The following FBXO9 variants were observed in gnomAD, a reference collection of about 807,000 sequenced individuals.
FBXO9 encodes the protein F-box protein 9, also known as F-box only protein 9.
In FBXO9, 43 loss-of-function variants were observed where a neutral mutation model predicts 63.7. The observed-to-expected ratio is 0.67, with a 90% CI of 0.53 to 0.87. The LOEUF is 0.87. FBXO9 is among the 40% of genes least tolerant of loss of function. The pLI, the probability that FBXO9 is intolerant of heterozygous loss-of-function variation, is 0.00. For missense variants in FBXO9, 442 were observed against 533.2 expected (o/e 0.83, Z 1.68); for synonymous variants, 156 against 171.7 (o/e 0.91, Z 0.72).
Position 53,071,148 on chromosome 6 carries a change from G to A in FBXO9, c.90+5G>A. 1.9e-6 allele frequency: 3 copies of A among 1,552,086 alleles called. No individual in the cohort carries two copies. The highest frequency in any genetic ancestry group is 1.4e-5 in the African/African-American group (1 of 73,380). On this transcript the variant is annotated splice_donor_5th_base_variant and intron_variant, in intron 2 of 12. Coordinates refer to ENST00000323557, the MANE Select transcript of FBXO9 (RefSeq NM_033480.3). ...CCTGCTGAAACAGATCTGCAGGCAT[G>A]TTTCTTCAATTGTGTCTTTGATTTT...
At chr6:53,073,707 A>G in intron 3 of FBXO9, 68 bp downstream of exon 3, 1 of 1,338,812 alleles carries the variant, frequency 7.5e-7, no homozygotes, top group Non-Finnish European at 1.0e-6. Flanking sequence ...TTTCACTGAC[A>G]CAGTAAGTAG....
At chr6:53,093,413 T>C (rs1763103799) in intron 9 of FBXO9, 53 bp from the exon 10 acceptor site, 1 of 1,256,358 alleles carries the variant, frequency 8.0e-7, no homozygotes, top group East Asian at 2.3e-5. Flanking sequence ...TAAGGACATA[T>C]TTTATACTTT....
intron 12 of FBXO9, 143 bp from the exon 13 acceptor site, chr6:53,097,579 A>T (rs1763245504): frequency 2.5e-6 from 1 of 402,046 alleles, no homozygotes; most frequent in Non-Finnish European, 4.4e-6. Flanking sequence ...GTTTTCTACA[A>T]TATGCCTATA....
rs182085721 is a variant in FBXO9, at chr6:53,093,941, C to T, written c.1016C>T (p.Thr339Ile). The T allele has an allele frequency of 1.9e-6, 3 of 1,553,076 alleles. No homozygotes were observed. The highest frequency in any genetic ancestry group is 1.7e-6 in the Non-Finnish European group (2 of 1,147,874). Residue 339 changes from threonine to isoleucine, a missense_variant, in exon 11 of 13, where the codon ACC (threonine) becomes ATC (isoleucine). Physicochemically the swap from Thr to Ile is moderately conservative, Grantham distance 89 (BLOSUM62 -1). Transcript: ENST00000323557. ...TTGTCACAAGACACAGACAATCAGA[C>T]CAAAGTATTTGCTGTAATAACTAAG... ...YRLSQDTDNQTKVFAVITKKK... is the reference protein window; with the variant it reads ...YRLSQDTDNQIKVFAVITKKK...
intron 3 of FBXO9, 50 bp downstream of exon 3, chr6:53,073,689 A>C: frequency 6.9e-7 from 1 of 1,445,588 alleles, no homozygotes; most frequent in Non-Finnish European, 9.2e-7. Context: ...TTTTTGGCAC[A>C]TGGAAATTTT....
chr6:53,089,871 G>A (rs369228264), intron 7 of FBXO9, among the ~76,000 whole-genome samples: 2 of 152,206 alleles, frequency 1.3e-5, no homozygotes, highest in Non-Finnish European at 2.9e-5. Context: ...ACTGCACACT[G>A]GTTCCAAGAA....
In FBXO9 at chr6:53,065,635, C is replaced by G. The variant is rs755261177; in HGVS notation, c.-155C>G. On this transcript the variant is annotated 5_prime_UTR_variant, in exon 1 of 13. Coordinates refer to ENST00000323557, the MANE Select transcript of FBXO9 (RefSeq NM_033480.3). Reference sequence around the variant, plus strand: ...CGTACGCCGGGCCCGCAGTTATTGCCGCTGCCTGGTGCGCTTCTCCGACCG... The same window carrying G: ...CGTACGCCGGGCCCGCAGTTATTGCGGCTGCCTGGTGCGCTTCTCCGACCG... 2 of 908,538 alleles carry G rather than the reference C, an allele frequency of 2.2e-6. No homozygotes were observed. Among genetic ancestry groups the G allele is most frequent in the Non-Finnish European group, 2.9e-6 (2 of 678,734 alleles). 56.3% of individuals were successfully genotyped at this position (908,538 alleles called of 1,614,324 possible). A position where few individuals can be genotyped will look rare whatever the true frequency, so the allele number is the denominator to read the frequency against.
At position 53,071,046 on chromosome 6, in the gene FBXO9, T is replaced by TC. The variant is rs1768897849; in HGVS notation, c.4-5dup. The TC allele has an allele frequency of 5.1e-6, 8 of 1,564,308 alleles. No homozygotes were observed. Among genetic ancestry groups the TC allele is most frequent in the Non-Finnish European group, 6.9e-6 (8 of 1,152,866 alleles). The stretch of plus-strand genomic sequence containing the variant: ...TATATGCCTGACATTATTTGGGTTT[T>TC]CCCCCCTCAGGCAGAAGCTGAGGAA... On this transcript the variant is annotated splice_polypyrimidine_tract_variant and intron_variant, in intron 1 of 12. Coordinates refer to ENST00000323557, the MANE Select transcript of FBXO9 (RefSeq NM_033480.3).
intron 5 of FBXO9, among the ~76,000 whole-genome samples, chr6:53,079,683 A>G (rs2127492806): frequency 6.6e-6 from 1 of 152,280 alleles, no homozygotes; most frequent in African/African-American, 2.4e-5. Context: ...TGTCAGGTTA[A>G]AAATAGACAG....
rs762496671 is a variant in FBXO9, at chr6:53,073,650, T to C, written c.249+11T>C. On this transcript the variant is annotated intron_variant, in intron 3 of 12. Transcript: ENST00000323557. ...GCAAAAGAAGAAAAGTTAAGTATTATAGATATTGTAACAAATTACATTTTT... is the reference window on the plus strand; with the variant it reads ...GCAAAAGAAGAAAAGTTAAGTATTACAGATATTGTAACAAATTACATTTTT... 82 of 1,515,116 alleles carry C rather than the reference T, an allele frequency of 5.4e-5. No individual in the cohort carries two copies. The highest frequency in any genetic ancestry group is 1.7e-4 in the Middle Eastern group (1 of 5,862). 93.9% of individuals were successfully genotyped at this position (1,515,116 alleles called of 1,614,324 possible). A position where few individuals can be genotyped will look rare whatever the true frequency, so the allele number is the denominator to read the frequency against.
At chr6:53,092,697 T>A in intron 8 of FBXO9, 37 bp from the exon 9 acceptor site, 1 of 1,489,956 alleles carries the variant, frequency 6.7e-7, no homozygotes, top group Non-Finnish European at 9.2e-7. Context: ...AATATCTGAA[T>A]ATTATAATTT....
At chr6:53,071,211 T>G in intron 2 of FBXO9, 68 bp downstream of exon 2, 5 of 1,411,386 alleles carry the variant, frequency 3.5e-6, no homozygotes, top group Non-Finnish European at 4.9e-6. Context: ...AAATTGATCA[T>G]AATCATGGGT....
intron 8 of FBXO9, 88 bp downstream of exon 8, chr6:53,092,635 T>G: frequency 7.2e-7 from 1 of 1,383,450 alleles, no homozygotes; most frequent in Admixed American, 1.8e-5. Context: ...CTGTGATGAA[T>G]GTGAGTACTG....
intron 1 of FBXO9, among the ~76,000 whole-genome samples, chr6:53,068,951 G>A (rs1464252673): frequency 6.6e-6 from 1 of 152,018 alleles, no homozygotes; most frequent in Non-Finnish European, 1.5e-5. Context: ...CACCCTGCCT[G>A]GACTGTATTC....
At chr6:53,068,463 A>G (rs1478493403) in intron 1 of FBXO9, among the ~76,000 whole-genome samples, 1 of 152,194 alleles carries the variant, frequency 6.6e-6, no homozygotes, top group African/African-American at 2.4e-5. Context: ...TCCAATATAT[A>G]AAAATTGGAT....
intron 3 of FBXO9, among the ~76,000 whole-genome samples, chr6:53,076,009 G>A (rs1356213253): frequency 6.6e-6 from 1 of 152,042 alleles, no homozygotes; most frequent in East Asian, 1.9e-4. Flanking sequence ...CTCCCAAAGT[G>A]CTGGGATTAC....
chr6:53,073,662 C>A (rs1325118741), intron 3 of FBXO9, 23 bp downstream of exon 3: 17 of 1,389,762 alleles, frequency 1.2e-5, no homozygotes, highest in Admixed American at 6.4e-5. Context: ...GATATTGTAA[C>A]AAATTACATT....
In FBXO9 at chr6:53,082,578, C is replaced by A; in HGVS notation, c.613C>A (p.Gln205Lys). 1 of 1,613,660 alleles carries A rather than the reference C, an allele frequency of 6.2e-7. No homozygotes were observed. The highest frequency in any genetic ancestry group is 8.5e-7 in the Non-Finnish European group (1 of 1,179,686). ...SSDLDLRSLE[Q>K]LSLVCRGFYI... ...TGACTTGGACCTCAGATCATTGGAG[C>A]AGTTGTCGCTGGTGTGCAGAGGATT... The change falls in exon 7 of 13, where the codon CAG becomes AAG. Residue 205 changes from glutamine (Q) to lysine (K), a missense_variant. Gln to Lys is a moderately conservative substitution (Grantham distance 53, BLOSUM62 1). This residue lies in a region of FBXO9 where 262 missense variants were observed against 362.1 expected (regional missense o/e 0.72). Transcript: ENST00000323557.
At chr6:53,066,982 A>G (rs1261129539) in intron 1 of FBXO9, among the ~76,000 whole-genome samples, 1 of 152,250 alleles carries the variant, frequency 6.6e-6, no homozygotes, top group Non-Finnish European at 1.5e-5. Flanking sequence ...CCACTGTAAC[A>G]CAGGGGAGAA....
Sources: gnomAD v4.1 joint callset for allele counts (sites outside exome capture counted in the v4.1 genomes callset) on GRCh38, gnomAD v4.1.1 for gene constraint, gnomAD v4.1.1 regional missense constraint, MANE v1.5 for transcripts, NCBI Gene and HGNC (gene_info 2026-07-23, HGNC 2026-07-21) for gene names.